Variants in MED12 observed in about 807,000 individuals in gnomAD.
MED12 encodes mediator complex subunit 12.
In MED12, 10 loss-of-function variants were observed where a neutral mutation model predicts 177.7. The observed-to-expected ratio is 0.06, with a 90% CI of 0.03 to 0.10. The LOEUF (loss-of-function observed/expected upper bound fraction) is 0.10, where lower values mean the gene tolerates loss of function less well. MED12 is among the 10% of genes least tolerant of loss of function. The pLI, the probability that MED12 is intolerant of heterozygous loss-of-function variation, is 1.00. For missense variants in MED12, 867 were observed against 1,780.8 expected (o/e 0.49, Z 9.23); for synonymous variants, 641 against 678.4 (o/e 0.94, Z 0.86).
chrX:71,139,922 G>A (rs1187605033), intron 41 of MED12, among the ~76,000 whole-genome samples: 5 of 109,618 alleles, frequency 4.6e-5, no homozygotes, highest in Admixed American at 3.9e-4. Context: ...GACTTGAGAC[G>A]GGGAGCCTGG....
At position 71,137,543 on chromosome X, in the gene MED12, CT is replaced by C. The variant is rs2147830057; in HGVS notation, c.5749-11del. On this transcript the variant is annotated splice_polypyrimidine_tract_variant and intron_variant, in intron 39 of 44. Coordinates refer to ENST00000374080, the MANE Select transcript of MED12 (RefSeq NM_005120.3). ...GCATTTCCTGAGTTTGAGTTGTTCT[CT>C]TTTCTCCCTTTAGCAGAGTCAGGGC... is the stretch of plus-strand genomic sequence containing the variant. 1.7e-6 allele frequency: 2 copies of C among 1,203,381 alleles called. No individual in the cohort carries two copies. Among genetic ancestry groups the C allele is most frequent in the Non-Finnish European group, 1.1e-6 (1 of 889,325 alleles).
In MED12 at chrX:71,127,317, A is replaced by G; in HGVS notation, c.2850-19A>G. ...CGCATACCATCTGCTGACCCTCCCA[A>G]CCTTGCTTCTTCATGCAGGCTGTGT... On this transcript the variant is annotated intron_variant, in intron 20 of 44. Transcript: ENST00000374080. 1 of 1,210,610 alleles carries G rather than the reference A, an allele frequency of 8.3e-7. No individual in the cohort carries two copies. Among genetic ancestry groups the G allele is most frequent in the African/African-American group, 1.7e-5 (1 of 57,699 alleles).
chrX:71,119,364 C>T lies in MED12; in HGVS notation c.100-9C>T. ...GAAAAAACAACTAAACGCCGCTTTC[C>T]TGCCTCAGGATGAACTGACGGCCTT... is the stretch of plus-strand genomic sequence containing the variant. On this transcript the variant is annotated splice_polypyrimidine_tract_variant and intron_variant, in intron 1 of 44. Coordinates refer to ENST00000374080, the MANE Select transcript of MED12 (RefSeq NM_005120.3). The T allele has an allele frequency of 8.5e-7, 1 of 1,180,783 alleles. No individual in the cohort carries two copies. Among genetic ancestry groups the T allele is most frequent in the Non-Finnish European group, 1.1e-6 (1 of 875,392 alleles).
At chrX:71,124,510 G>C in intron 13 of MED12, 122 bp downstream of exon 13, 1 of 571,367 alleles carries the variant, frequency 1.8e-6, no homozygotes, top group Non-Finnish European at 2.9e-6. Flanking sequence ...TTAGCACTTG[G>C]TGATTGACCA....
In MED12 at chrX:71,127,097, C is replaced by G. The variant is rs1482466139; in HGVS notation, c.2814C>G (p.Ile938Met). 1 of 1,210,270 alleles carries G rather than the reference C, an allele frequency of 8.3e-7. No individual in the cohort carries two copies. Among genetic ancestry groups the G allele is most frequent in the Non-Finnish European group, 1.1e-6 (1 of 895,177 alleles). The change falls in exon 20 of 45, where the codon ATC becomes ATG. Residue 938 changes from isoleucine (I) to methionine (M), a missense_variant. Ile to Met is a conservative substitution (Grantham distance 10). Transcript: ENST00000374080. ...TGCGGCACTATCATGCCTGCCTCAT[C>G]CTCAACCAGGACCAGATGGCACAGG... ...AVLRHYHACL[I>M]LNQDQMAQVF...
chrX:71,130,260 CTG>C (rs2147809105), intron 28 of MED12, 46 bp downstream of exon 28: 1 of 1,140,290 alleles, frequency 8.8e-7, no homozygotes. Flanking sequence ...TGGGCCCAAT[CTG>C]GGGAGAAACA....
In MED12 at chrX:71,132,767, C is replaced by CTCTT; in HGVS notation, c.4416-78_4416-77insTCTT. On this transcript the variant is annotated intron_variant, in intron 31 of 44. Coordinates refer to ENST00000374080, the MANE Select transcript of MED12 (RefSeq NM_005120.3). ...TCCCTTTTCTCCTCTCCTCTTCTCT[C>CTCTT]CTCTTCTCTTCTCTTCTCTTCTCTT... The CTCTT allele has an allele frequency of 9.1e-6, 6 of 662,669 alleles. No individual in the cohort carries two copies. The East Asian group carries it at 1.1e-4, about 13-fold the overall frequency. 54.6% of individuals were successfully genotyped at this position (662,669 alleles called of 1,213,427 possible). A position where few individuals can be genotyped will look rare whatever the true frequency, so the allele number is the denominator to read the frequency against.
At chrX:71,134,915 C>A in intron 35 of MED12, 67 bp downstream of exon 35, 1 of 1,195,604 alleles carries the variant, frequency 8.4e-7, no homozygotes, top group Admixed American at 2.2e-5. Context: ...CAGGAACTTG[C>A]TTCTGGCTGG....
At chrX:71,133,743 T>C (rs2092324616) in intron 33 of MED12, among the ~76,000 whole-genome samples, 1 of 111,156 alleles carries the variant, frequency 9.0e-6, no homozygotes, top group African/African-American at 3.3e-5. Context: ...CCCTGGATCC[T>C]TGCAGGGCCT....
At chrX:71,128,829 C>G in intron 24 of MED12, 111 bp downstream of exon 24, 3 of 978,418 alleles carry the variant, frequency 3.1e-6, no homozygotes, top group Non-Finnish European at 4.3e-6. Context: ...GGCTCCCTGG[C>G]CTTCCTCAGA....
rs2092336597 is a variant in MED12 at position 71,137,851 on chromosome X, T to C, written c.5952T>C (p.Leu1984=). 3 of 1,209,539 alleles carry C rather than the reference T, an allele frequency of 2.5e-6. No individual in the cohort carries two copies. Among genetic ancestry groups the C allele is most frequent in the Non-Finnish European group, 3.4e-6 (3 of 895,071 alleles). Reference sequence around the variant, plus strand: ...CCCACCCTTCTACCAATCCTACTCTTGTAGATCCTACCCGCCACCTGCAAC... The same window carrying C: ...CCCACCCTTCTACCAATCCTACTCTCGTAGATCCTACCCGCCACCTGCAAC... ...QSTHPSTNPT[L]VDPTRHLQQR... Residue 1984 remains leucine, a synonymous_variant, in exon 41 of 45, where the codon CTT becomes CTC. Coordinates refer to ENST00000374080, the MANE Select transcript of MED12 (RefSeq NM_005120.3).
chrX:71,137,614 C>T lies in MED12; in HGVS notation c.5805C>T (p.Ser1935=), dbSNP rs201608537. 93 of 1,208,019 alleles carry T rather than the reference C, an allele frequency of 7.7e-5. No homozygotes were observed. Among genetic ancestry groups the T allele is most frequent in the Middle Eastern group, 2.3e-4 (1 of 4,322 alleles). Residue 1935 remains serine, a synonymous_variant, in exon 40 of 45, where the codon TCC becomes TCT. Coordinates refer to ENST00000374080, the MANE Select transcript of MED12 (RefSeq NM_005120.3). ...SSVHQMTPSS[S]YGLQTSQGYT... ...TCCATCAGATGACTCCCAGCTCTTC[C>T]TACGGTTTGCAGACTTCCCAGGTAA...
chrX:71,119,589 A>T, intron 2 of MED12, 97 bp from the exon 3 acceptor site: 1 of 1,103,745 alleles, frequency 9.1e-7, no homozygotes, highest in South Asian at 1.9e-5. Context: ...GTTTGCCTTC[A>T]TGACCTAATA....
In MED12 at chrX:71,128,779, C is replaced by T. The variant is rs779248507; in HGVS notation, c.3475+61C>T. 376 of 1,161,307 alleles carry T rather than the reference C, an allele frequency of 3.2e-4. 1 individual carries two copies. The highest frequency in any genetic ancestry group is 4.2e-4 in the Non-Finnish European group (364 of 861,081). ...ACCTCAAATTTCAATACACACTGGA[C>T]GGCCATCCTCTCATTGTTCACTGTG... On this transcript the variant is annotated intron_variant, in intron 24 of 44. Coordinates refer to ENST00000374080, the MANE Select transcript of MED12 (RefSeq NM_005120.3).
rs769095144 is a variant in MED12 at position 71,119,410 on chromosome X, A to G, written c.137A>G (p.Asn46Ser). The G allele has an allele frequency of 7.5e-6, 9 of 1,199,452 alleles. No individual in the cohort carries two copies. The highest frequency in any genetic ancestry group is 2.2e-5 in the Admixed American group (1 of 44,838). The change falls in exon 2 of 45, where the codon AAT becomes AGT. Residue 46 changes from asparagine (N) to serine (S), a missense_variant. Physicochemically the swap from Asn to Ser is conservative, Grantham distance 46 (BLOSUM62 1). Around this residue, in one of 14 missense-constraint regions of MED12, gnomAD observed 42 missense variants for 129.6 expected, o/e 0.32. Transcript: ENST00000374080. The stretch of plus-strand genomic sequence containing the variant: ...GCCTTGAATGTAAAACAAGGTTTCA[A>G]TAACCAGCCTGCTGTCTCTGGGGAT... ...LTALNVKQGF[N>S]NQPAVSGDEH... is the part of the protein sequence containing the mutation.
In MED12 at chrX:71,126,124, A is replaced by C. The variant is rs1192704974; in HGVS notation, c.2511A>C (p.Ser837=). The change falls in exon 18 of 45, where the codon TCA becomes TCC. Residue 837 remains serine (S), a synonymous_variant. Coordinates refer to ENST00000374080, the MANE Select transcript of MED12 (RefSeq NM_005120.3). ...EDIFAKFQHL[S]HYDQHQVTAQ... ...TCTTTGCTAAGTTCCAGCACCTTTC[A>C]CATTATGACCAACACCAGGTCACGG... is the stretch of plus-strand genomic sequence containing the variant. 1.7e-6 allele frequency: 2 copies of C among 1,209,767 alleles called. No individual in the cohort carries two copies. Among genetic ancestry groups the C allele is most frequent in the Non-Finnish European group, 2.2e-6 (2 of 893,800 alleles).
chrX:71,122,440 C>A, intron 8 of MED12, 68 bp from the exon 9 acceptor site: 1 of 1,187,005 alleles, frequency 8.4e-7, no homozygotes, highest in Non-Finnish European at 1.1e-6. Context: ...TACTATTCTT[C>A]TAGCCTGGGG....
At chrX:71,125,282 T>G (rs2147792357) in intron 15 of MED12, 69 bp from the exon 16 acceptor site, 1 of 1,199,330 alleles carries the variant, frequency 8.3e-7, no homozygotes, top group Non-Finnish European at 1.1e-6. Context: ...TGCTGAGGGG[T>G]GTGGAGCATG....
At chrX:71,127,557 A>T in intron 21 of MED12, 90 bp downstream of exon 21, 1 of 842,764 alleles carries the variant, frequency 1.2e-6, no homozygotes, top group Admixed American at 2.3e-5. Context: ...ATGGCCCGGG[A>T]CCCTGCTGCC....
Sources: allele counts gnomAD v4.1 joint callset (sites outside exome capture counted in the v4.1 genomes callset), GRCh38; gene constraint gnomAD v4.1.1; regional missense constraint gnomAD v4.1.1; transcripts MANE v1.5; gene names NCBI Gene and HGNC (gene_info 2026-07-23, HGNC 2026-07-21).